The following HYDIN variants were observed in gnomAD, a reference collection of about 807,000 sequenced individuals.
HYDIN encodes axonemal central pair apparatus protein HYDIN.
HYDIN carries 132 observed loss-of-function variants against 403.9 expected under a neutral mutation model. The ratio of observed to expected loss-of-function variants is 0.33; its 90% CI spans 0.28 to 0.38. The LOEUF is 0.38. HYDIN is among the 10% of genes least tolerant of loss of function. The pLI is 1.00. For missense variants in HYDIN, 2,827 were observed against 5,009.5 expected (o/e 0.56, Z 13.15); for synonymous variants, 1,202 against 1,891.7 (o/e 0.64, Z 9.46).
In HYDIN at chr16:70,836,370, G is replaced by A. The variant is rs528599953; in HGVS notation, c.13243-536C>T. On this transcript the variant is annotated intron_variant, in intron 77 of 85. Transcript: ENST00000393567. ...TTAGGCCATTGCTGAGTGAGAAGTGGGAAAACTGGGCTTCATTCTGGGAGC... is the reference window on the plus strand; with the variant it reads ...TTAGGCCATTGCTGAGTGAGAAGTGAGAAAACTGGGCTTCATTCTGGGAGC... Among the ~76,000 whole-genome samples the A allele has an allele frequency of 2.6e-5, 4 of 152,354 alleles. No individual in the cohort carries two copies. The South Asian group carries it at 8.3e-4, about 32-fold the overall frequency.
chr16:71,165,599 C>T (rs916338085), intron 5 of HYDIN, among the ~76,000 whole-genome samples: 1 of 151,674 alleles, frequency 6.6e-6, no homozygotes, highest in South Asian at 2.1e-4. Context: ...TAGAACAGAG[C>T]CTAGTATCTA....
intron 39 of HYDIN, among the ~76,000 whole-genome samples, chr16:70,956,312 A>C (rs1432284761): frequency 1.3e-5 from 2 of 152,192 alleles, no homozygotes; most frequent in African/African-American, 4.8e-5. Context: ...AAAAGAAAAA[A>C]AATCCATCAT....
intron 18 of HYDIN, among the ~76,000 whole-genome samples, chr16:71,045,101 T>A (rs915906908): frequency 3.9e-5 from 6 of 152,224 alleles, no homozygotes; most frequent in African/African-American, 1.4e-4. Context: ...CTAGCCTGAC[T>A]TGACTCCAAT....
intron 5 of HYDIN, among the ~76,000 whole-genome samples, chr16:71,175,238 TAATACC>T (rs2086624075): frequency 6.6e-6 from 1 of 150,644 alleles, no homozygotes; most frequent in South Asian, 2.1e-4. Context: ...ACCATACTAC[TAATACC>T]AATACCATCT....
intron 23 of HYDIN, among the ~76,000 whole-genome samples, chr16:70,999,202 T>C (rs950720053): frequency 6.6e-6 from 1 of 152,188 alleles, no homozygotes; most frequent in African/African-American, 2.4e-5. Context: ...TCATGGACCT[T>C]AAGAAAGACT....
intron 41 of HYDIN, among the ~76,000 whole-genome samples, chr16:70,947,543 T>C (rs1371892697): frequency 1.3e-5 from 2 of 151,530 alleles, no homozygotes; most frequent in Non-Finnish European, 2.9e-5. Flanking sequence ...ATCAGGATGA[T>C]GCTGGCCTCA....
chr16:70,898,892 C>T (rs1451324415), intron 53 of HYDIN, among the ~76,000 whole-genome samples: 18 of 151,450 alleles, frequency 1.2e-4, no homozygotes, highest in Non-Finnish European at 2.4e-4. Context: ...TACAGGCGTG[C>T]GCCACCACAT....
In HYDIN at chr16:70,892,515, G is replaced by C. The variant is rs2041530441; in HGVS notation, c.9263C>G (p.Ser3088Cys). The change falls in exon 56 of 86, where the codon TCT becomes TGT. Residue 3088 changes from serine (S) to cysteine (C), a missense_variant. Physicochemically the swap from Ser to Cys is moderately radical, Grantham distance 112. Transcript: ENST00000393567. ...TATATTAGGTGTTGAAATCCCTACA[G>C]AGTCCACGGAAAAGCTGAAAGACAA... is the stretch of plus-strand genomic sequence containing the variant. The part of the protein sequence containing the change: ...YEIAFSFSVD[S>C]VGISTPNINS... 2 of 1,602,428 alleles carry C rather than the reference G, an allele frequency of 1.2e-6. No homozygotes were observed. The highest frequency in any genetic ancestry group is 2.7e-5 in the African/African-American group (2 of 74,158).
At chr16:71,133,524 C>T (rs543305929) in intron 8 of HYDIN, among the ~76,000 whole-genome samples, 6 of 152,290 alleles carry the variant, frequency 3.9e-5, no homozygotes, top group East Asian at 1.9e-4. Context: ...CATGTCATTT[C>T]CTCCATCTGC....
chr16:71,205,908 T>C (rs1437413011), intron 1 of HYDIN, among the ~76,000 whole-genome samples: 4 of 152,178 alleles, frequency 2.6e-5, no homozygotes, highest in African/African-American at 9.7e-5. Context: ...CCTCCTGTTG[T>C]CCTGGAGAGC....
At chr16:71,072,714 A>C (rs1302378594) in intron 13 of HYDIN, among the ~76,000 whole-genome samples, 1 of 152,128 alleles carries the variant, frequency 6.6e-6, no homozygotes, top group African/African-American at 2.4e-5. Flanking sequence ...CACTTTATGA[A>C]ATAATAACTA....
chr16:70,846,462 G>C (rs1235782284), intron 75 of HYDIN, among the ~76,000 whole-genome samples: 6 of 149,776 alleles, frequency 4.0e-5, no homozygotes, highest in Non-Finnish European at 9.0e-5. Flanking sequence ...TTACTTCCAA[G>C]TATGTGGTCA....
chr16:70,955,879 C>T (rs1385620093), intron 39 of HYDIN, among the ~76,000 whole-genome samples: 12 of 151,996 alleles, frequency 7.9e-5, no homozygotes, highest in Non-Finnish European at 1.3e-4. Flanking sequence ...AGTGCAGTGG[C>T]GAGATCTCAG....
In HYDIN at chr16:70,943,906, A is replaced by G; in HGVS notation, c.6575T>C (p.Leu2192Pro). ...GCCTCCGACACTGGGACTAACACTGAGCCAGCGGTGGATGGGCCCCGGGGG... is the reference window on the plus strand; with the variant it reads ...GCCTCCGACACTGGGACTAACACTGGGCCAGCGGTGGATGGGCCCCGGGGG... ...PLPPGPIHRWLSVSPSVGGET... is the reference protein window; with the variant it reads ...PLPPGPIHRWPSVSPSVGGET... The change falls in exon 42 of 86, where the codon CTC becomes CCC. Residue 2192 changes from leucine to proline, a missense_variant. Transcript: ENST00000393567. 2 of 1,613,572 alleles carry G rather than the reference A, an allele frequency of 1.2e-6. No individual in the cohort carries two copies. The highest frequency in any genetic ancestry group is 1.7e-6 in the Non-Finnish European group (2 of 1,179,912).
Position 70,883,973 on chromosome 16 carries a change from G to T in HYDIN, c.9926C>A (p.Ala3309Glu), listed in dbSNP as rs1287326892. 6.2e-7 allele frequency: 1 copy of T among 1,614,044 alleles called. No individual in the cohort carries two copies. Among genetic ancestry groups the T allele is most frequent in the Non-Finnish European group, 8.5e-7 (1 of 1,180,052 alleles). The change falls in exon 59 of 86, where the codon GCA becomes GAA. Residue 3309 changes from alanine (A) to glutamate (E), a missense_variant. By Grantham distance (107) the Ala-to-Glu change is moderately radical. Coordinates refer to ENST00000393567, the MANE Select transcript of HYDIN (RefSeq NM_001270974.2). Reference sequence around the variant, plus strand: ...GTAAAGAATGCCGGCAGGGTGGACTGCAGGGTCTCGGCCGGAGATATCGAT... The same window carrying T: ...GTAAAGAATGCCGGCAGGGTGGACTTCAGGGTCTCGGCCGGAGATATCGAT... ...IAIDISGRDP[A>E]VHPAGILYTL... is the part of the protein sequence containing the mutation.
chr16:70,833,803 T>C, intron 79 of HYDIN, 84 bp downstream of exon 79: 1 of 889,946 alleles, frequency 1.1e-6, no homozygotes, highest in Admixed American at 2.1e-5. Flanking sequence ...TAAAAAGTGA[T>C]TGCACTTGCA....
chr16:70,995,297 T>C (rs534679722), intron 23 of HYDIN, among the ~76,000 whole-genome samples: 1 of 152,172 alleles, frequency 6.6e-6, no homozygotes, highest in African/African-American at 2.4e-5. Flanking sequence ...GATTCAGTTA[T>C]TTTTAAAAGG....
At chr16:70,919,523 C>G (rs1567828965) in intron 46 of HYDIN, among the ~76,000 whole-genome samples, 3 of 152,152 alleles carry the variant, frequency 2.0e-5, no homozygotes, top group African/African-American at 7.2e-5. Flanking sequence ...CTCTGATCCT[C>G]CCGTCATCCC....
chr16:71,053,117 C>T (rs1264561354), intron 18 of HYDIN, among the ~76,000 whole-genome samples: 3 of 151,920 alleles, frequency 2.0e-5, no homozygotes, highest in Admixed American at 6.6e-5. Context: ...AAGGGATATA[C>T]AAATTAAAAC....
Sources: allele counts gnomAD v4.1 joint callset (sites outside exome capture counted in the v4.1 genomes callset), GRCh38; gene constraint gnomAD v4.1.1; transcripts MANE v1.5; gene names NCBI Gene and HGNC (gene_info 2026-07-23, HGNC 2026-07-21).